CHMP4B: variants seen among roughly 807,000 people sequenced by gnomAD.
CHMP4B encodes the protein charged multivesicular body protein 4B, also known as SNF7 homolog associated with Alix 1.
A neutral mutation model predicts 25.1 loss-of-function variants in CHMP4B; 1 was observed. The observed-to-expected ratio is 0.04, with a 90% CI of 0.01 to 0.19. CHMP4B has a LOEUF of 0.19. Ranked by LOEUF, CHMP4B falls within the 10% of genes least tolerant of loss-of-function variation. The pLI, the probability that CHMP4B is intolerant of heterozygous loss-of-function variation, is 1.00. For missense variants in CHMP4B, 151 were observed against 289.7 expected (o/e 0.52, Z 3.48); for synonymous variants, 101 against 115.6 (o/e 0.87, Z 0.81).
At chr20:33,848,721 C>G in intron 2 of CHMP4B, 77 bp downstream of exon 2, 1 of 1,478,192 alleles carries the variant, frequency 6.8e-7, no homozygotes, top group South Asian at 1.2e-5. Flanking sequence ...TGGCCTTGGG[C>G]AGACGGATCC....
At chr20:33,817,611 G>A (rs1221878027) in intron 1 of CHMP4B, among the ~76,000 whole-genome samples, 2 of 152,182 alleles carry the variant, frequency 1.3e-5, no homozygotes, top group Non-Finnish European at 2.9e-5. Context: ...TGTTTACAGT[G>A]GTCCAGAGCC....
At chr20:33,834,796 ATTTTAT>A (rs1235723836) in intron 1 of CHMP4B, among the ~76,000 whole-genome samples, 1 of 151,896 alleles carries the variant, frequency 6.6e-6, no homozygotes, top group Non-Finnish European at 1.5e-5. Context: ...ATTCCTATTT[ATTTTAT>A]TTTTATTTTT....
chr20:33,822,405 A>C (rs1160741000), intron 1 of CHMP4B, among the ~76,000 whole-genome samples: 2 of 152,166 alleles, frequency 1.3e-5, no homozygotes, highest in Admixed American at 6.5e-5. Flanking sequence ...TCGGCCTCCC[A>C]AAGTGCTGGG....
chr20:33,838,793 C>T (rs528831869), intron 1 of CHMP4B, among the ~76,000 whole-genome samples: 2 of 152,206 alleles, frequency 1.3e-5, no homozygotes, highest in Admixed American at 6.5e-5. Context: ...TCTTGATCAC[C>T]AAGAGCTACT....
intron 1 of CHMP4B, among the ~76,000 whole-genome samples, chr20:33,813,586 C>T (rs944198542): frequency 1.3e-5 from 2 of 152,148 alleles, no homozygotes; most frequent in African/African-American, 2.4e-5. Flanking sequence ...CTCCCTCAGT[C>T]CAGATCCTCT....
At chr20:33,843,048 A>G (rs1445487232) in intron 1 of CHMP4B, among the ~76,000 whole-genome samples, 5 of 152,314 alleles carry the variant, frequency 3.3e-5, no homozygotes, top group Admixed American at 6.5e-5. Flanking sequence ...TTCTCTAAAA[A>G]TGGTTTCTGT....
chr20:33,841,050 T>C (rs1271082511), intron 1 of CHMP4B, among the ~76,000 whole-genome samples: 1 of 152,206 alleles, frequency 6.6e-6, no homozygotes, highest in Non-Finnish European at 1.5e-5. Flanking sequence ...CGGAACACAC[T>C]TTGTTTGTAT....
At chr20:33,825,039 CTT>C (rs1465273630) in intron 1 of CHMP4B, among the ~76,000 whole-genome samples, 1 of 152,194 alleles carries the variant, frequency 6.6e-6, no homozygotes, top group African/African-American at 2.4e-5. Flanking sequence ...GGTCTAGAGA[CTT>C]AGCCCAAGGC....
Position 33,811,352 on chromosome 20 carries a change from A to G in CHMP4B, c.-117A>G. 11 of 835,180 alleles carry G rather than the reference A, an allele frequency of 1.3e-5. No individual in the cohort carries two copies. Among genetic ancestry groups the G allele is most frequent in the Non-Finnish European group, 1.7e-5 (11 of 637,358 alleles). The allele number at this position is 835,180 out of a possible 1,614,324, so 51.7% of individuals were successfully genotyped here. ...CGGGGCGGAGGCGGAGGCGGAGGAG[A>G]GGCCTGCGGCGGCAGGGAGCGGCGG... is the stretch of plus-strand genomic sequence containing the variant. On this transcript the variant is annotated 5_prime_UTR_variant, in exon 1 of 5. Coordinates refer to ENST00000217402, the MANE Select transcript of CHMP4B (RefSeq NM_176812.5).
chr20:33,852,589 C>G (rs1979886533), intron 4 of CHMP4B, among the ~76,000 whole-genome samples: 1 of 152,208 alleles, frequency 6.6e-6, no homozygotes. Flanking sequence ...TGTCTTCAGA[C>G]ATGGCCAAAT....
intron 3 of CHMP4B, 57 bp downstream of exon 3, chr20:33,851,123 C>A (rs1370707191): frequency 9.2e-7 from 1 of 1,091,628 alleles, no homozygotes; most frequent in East Asian, 2.4e-5. Context: ...GAGGCTGTCC[C>A]TTGATGTGCT....
intron 4 of CHMP4B, 83 bp from the exon 5 acceptor site, chr20:33,853,413 T>A: frequency 7.8e-7 from 1 of 1,289,472 alleles, no homozygotes; most frequent in African/African-American, 1.5e-5. Flanking sequence ...ACAGACACCA[T>A]GGAGCACAGG....
chr20:33,851,894 T>TA (rs1380599186), intron 3 of CHMP4B, among the ~76,000 whole-genome samples, 183 bp from the exon 4 acceptor site: 1 of 152,208 alleles, frequency 6.6e-6, no homozygotes, highest in Non-Finnish European at 1.5e-5. Context: ...GCAGCAGTGA[T>TA]ACGTTCCCCA....
chr20:33,828,126 A>G (rs2122792360), intron 1 of CHMP4B, among the ~76,000 whole-genome samples: 1 of 152,316 alleles, frequency 6.6e-6, no homozygotes, highest in East Asian at 1.9e-4. Flanking sequence ...TGACATTAAA[A>G]CAGCCCTCTC....
rs544539238 is a variant in CHMP4B at position 33,815,573 on chromosome 20, T to C, written c.190+3915T>C. On this transcript the variant is annotated intron_variant, in intron 1 of 4. Transcript: ENST00000217402. Reference sequence around the variant, plus strand: ...TGATAATTGTATAGTCCTGGTAGGTTTGGAAAACCGCTCAGCATCCCCTGA... The same window carrying C: ...TGATAATTGTATAGTCCTGGTAGGTCTGGAAAACCGCTCAGCATCCCCTGA... 4.6e-5 allele frequency among the ~76,000 whole-genome samples: 7 copies of C among 152,204 alleles called. No homozygotes were observed. In the South Asian group the frequency reaches 1.2e-3, roughly 27 times the overall value.
intron 1 of CHMP4B, among the ~76,000 whole-genome samples, chr20:33,817,139 C>T (rs1568604884): frequency 2.0e-5 from 3 of 152,204 alleles, no homozygotes; most frequent in Non-Finnish European, 2.9e-5. Context: ...TATCTCTTAT[C>T]CCAGAGGCCC....
At position 33,853,691 on chromosome 20, in the gene CHMP4B, T is replaced by C. The variant is rs1184817362; in HGVS notation, c.*131T>C. 31 of 561,156 alleles carry C rather than the reference T, an allele frequency of 5.5e-5. No individual in the cohort carries two copies. In the Admixed American group the frequency reaches 7.4e-4, roughly 13 times the overall value. 34.8% of individuals were successfully genotyped at this position (561,156 alleles called of 1,614,324 possible). A position where few individuals can be genotyped will look rare whatever the true frequency, so the allele number is the denominator to read the frequency against. On this transcript the variant is annotated 3_prime_UTR_variant, in exon 5 of 5. Coordinates refer to ENST00000217402, the MANE Select transcript of CHMP4B (RefSeq NM_176812.5). ...GCTTTCGACTCTCACTCCAAAGCAG[T>C]AGGGCCGCGTTGCTGCTCACTCTCT...
chr20:33,829,790 A>G (rs552808902), intron 1 of CHMP4B, among the ~76,000 whole-genome samples: 4 of 152,294 alleles, frequency 2.6e-5, no homozygotes, highest in Admixed American at 1.3e-4. Flanking sequence ...ACCAGTGCCT[A>G]ATGTAGGGTC....
At chr20:33,847,680 G>C (rs1979723391) in intron 1 of CHMP4B, among the ~76,000 whole-genome samples, 1 of 152,162 alleles carries the variant, frequency 6.6e-6, no homozygotes, top group Non-Finnish European at 1.5e-5. Flanking sequence ...CAGACTCTAG[G>C]TTTGGCCGTG....
Sources: allele counts gnomAD v4.1 joint callset (sites outside exome capture counted in the v4.1 genomes callset), GRCh38; gene constraint gnomAD v4.1.1; transcripts MANE v1.5; gene names NCBI Gene and HGNC (gene_info 2026-07-23, HGNC 2026-07-21).